SBF2: variants seen among roughly 807,000 people sequenced by gnomAD.
The protein encoded by SBF2 is myotubularin-related protein 13.
SBF2 carries 112 observed loss-of-function variants against 225.2 expected under a neutral mutation model. The ratio of observed to expected loss-of-function variants is 0.50; its 90% CI spans 0.43 to 0.58. The LOEUF is 0.58. SBF2 is among the 20% of genes least tolerant of loss of function. The pLI, the probability that SBF2 is intolerant of heterozygous loss-of-function variation, is 0.00. For synonymous variants in SBF2, 763 were observed against 773.3 expected, an observed-to-expected ratio of 0.99 and a Z score of 0.22; for missense variants, 1,996 against 2,206.2, an observed-to-expected ratio of 0.90 and a Z score of 1.91.
rs1355106544 is a variant in SBF2 at position 9,845,662 on chromosome 11, A to G, written c.3013T>C (p.Tyr1005His). ...IFKKQLMKFR[Y>H]PQSIFSTFAF... is the part of the protein sequence containing the mutation. ...AAGGTACTGAAAATGGACTGAGGAT[A>G]ACGGAACTTCATCAGCTGTTTCTTA... The change falls in exon 24 of 40, where the codon TAT becomes CAT. Residue 1005 changes from tyrosine to histidine, a missense_variant. Coordinates refer to ENST00000256190, the MANE Select transcript of SBF2 (RefSeq NM_030962.4). 1.2e-6 allele frequency: 2 copies of G among 1,613,802 alleles called. No individual in the cohort carries two copies. Among genetic ancestry groups the G allele is most frequent in the Non-Finnish European group, 1.7e-6 (2 of 1,179,796 alleles).
chr11:10,135,173 T>C (rs1954286258), intron 2 of SBF2, among the ~76,000 whole-genome samples: 1 of 152,240 alleles, frequency 6.6e-6, no homozygotes, highest in Non-Finnish European at 1.5e-5. Context: ...CAGCCCACAC[T>C]GTACCTTGGC....
At chr11:10,173,482 A>G (rs1956308569) in intron 2 of SBF2, among the ~76,000 whole-genome samples, 1 of 152,204 alleles carries the variant, frequency 6.6e-6, no homozygotes, top group South Asian at 2.1e-4. Flanking sequence ...CCAGGAGATT[A>G]TATCCCCCAC....
chr11:10,001,395 T>C (rs1322152095), intron 7 of SBF2, among the ~76,000 whole-genome samples: 1 of 152,052 alleles, frequency 6.6e-6, no homozygotes, highest in Non-Finnish European at 1.5e-5. Flanking sequence ...CAATGATTTA[T>C]CTATACAAAA....
chr11:10,225,311 C>A (rs2135416924), intron 1 of SBF2, among the ~76,000 whole-genome samples: 1 of 150,988 alleles, frequency 6.6e-6, no homozygotes, highest in Non-Finnish European at 1.5e-5. Context: ...AACACTTCTT[C>A]TTTAAAAAAA....
At chr11:10,029,710 G>A (rs1949182888) in intron 5 of SBF2, 55 bp downstream of exon 5, 2 of 1,080,702 alleles carry the variant, frequency 1.9e-6, no homozygotes, top group Non-Finnish European at 2.9e-6. Context: ...TAAATTAACT[G>A]GAGGAGAGGG....
At chr11:10,286,462 C>A (rs1178607082) in intron 1 of SBF2, among the ~76,000 whole-genome samples, 1 of 151,304 alleles carries the variant, frequency 6.6e-6, no homozygotes, top group African/African-American at 2.4e-5. Flanking sequence ...TGAGTTCAAG[C>A]CATTCTCCTG....
At chr11:10,137,016 A>G (rs936821524) in intron 2 of SBF2, among the ~76,000 whole-genome samples, 1 of 152,124 alleles carries the variant, frequency 6.6e-6, no homozygotes, top group Non-Finnish European at 1.5e-5. Flanking sequence ...TAGCATCTTT[A>G]CTGTATTGAG....
intron 17 of SBF2, among the ~76,000 whole-genome samples, chr11:9,880,811 C>A (rs1859699036): frequency 6.6e-6 from 1 of 152,192 alleles, no homozygotes; most frequent in African/African-American, 2.4e-5. Flanking sequence ...CTAATGACTG[C>A]ATGGATTGCA....
intron 1 of SBF2, among the ~76,000 whole-genome samples, chr11:10,268,783 A>C (rs1327593041): frequency 1.3e-5 from 2 of 152,232 alleles, no homozygotes; most frequent in Non-Finnish European, 2.9e-5. Context: ...TCAGTCTAAA[A>C]AAATTAGACA....
At chr11:9,981,406 AC>A (rs1946953395) in intron 13 of SBF2, among the ~76,000 whole-genome samples, 1 of 152,226 alleles carries the variant, frequency 6.6e-6, no homozygotes, top group African/African-American at 2.4e-5. Context: ...AGCATCACAC[AC>A]TAAGCCCAGC....
At chr11:9,794,173 C>T (rs1852938240) in intron 33 of SBF2, among the ~76,000 whole-genome samples, 1 of 151,826 alleles carries the variant, frequency 6.6e-6, no homozygotes, top group South Asian at 2.1e-4. Context: ...CAGAGGAGAC[C>T]CTGCCTCAAA....
chr11:10,186,043 C>T (rs762132209), intron 2 of SBF2, among the ~76,000 whole-genome samples: 1 of 152,110 alleles, frequency 6.6e-6, no homozygotes, highest in South Asian at 2.1e-4. Flanking sequence ...TAGGCATGAA[C>T]GAGCTGTGAT....
intron 16 of SBF2, among the ~76,000 whole-genome samples, chr11:9,904,915 G>C (rs1862005849): frequency 6.6e-6 from 1 of 152,160 alleles, no homozygotes; most frequent in Non-Finnish European, 1.5e-5. Flanking sequence ...CCAGATACTT[G>C]GGAAGCAGAG....
At chr11:10,151,460 T>A (rs561951046) in intron 2 of SBF2, among the ~76,000 whole-genome samples, 1 of 152,326 alleles carries the variant, frequency 6.6e-6, no homozygotes, top group East Asian at 1.9e-4. Flanking sequence ...TGCATAGAGC[T>A]TATTTTCTTG....
intron 13 of SBF2, among the ~76,000 whole-genome samples, chr11:9,984,378 CAA>C (rs904241804): frequency 6.6e-6 from 1 of 151,294 alleles, no homozygotes; most frequent in Non-Finnish European, 1.5e-5. Flanking sequence ...CCAACAAAGA[CAA>C]AGAAAAAAGG....
upstream of SBF2, among the ~76,000 whole-genome samples, chr11:10,299,029 G>A (rs886423189): frequency 3.9e-5 from 6 of 152,116 alleles, no homozygotes; most frequent in African/African-American, 1.4e-4. Context: ...CAAAGAAAAG[G>A]CTTCATAGAT....
chr11:10,036,678 G>C (rs1195809949), intron 3 of SBF2, among the ~76,000 whole-genome samples: 1 of 152,124 alleles, frequency 6.6e-6, no homozygotes, highest in Non-Finnish European at 1.5e-5. Flanking sequence ...GCATAAGTGG[G>C]ATTAACAAGC....
chr11:10,237,201 G>C (rs1246206329), intron 1 of SBF2, among the ~76,000 whole-genome samples: 1 of 152,142 alleles, frequency 6.6e-6, no homozygotes, highest in African/African-American at 2.4e-5. Flanking sequence ...ACAAAAATTA[G>C]CTGGGTGTGG....
intron 9 of SBF2, among the ~76,000 whole-genome samples, chr11:9,994,871 T>C (rs1291468806): frequency 6.6e-6 from 1 of 151,840 alleles, no homozygotes; most frequent in Non-Finnish European, 1.5e-5. Flanking sequence ...ACCCTGTCTC[T>C]ACTCAAAATA....
Sources: allele counts gnomAD v4.1 joint callset (sites outside exome capture counted in the v4.1 genomes callset), GRCh38; gene constraint gnomAD v4.1.1; transcripts MANE v1.5; gene names NCBI Gene and HGNC (gene_info 2026-07-23, HGNC 2026-07-21).